The following FHIT variants were observed in gnomAD, a reference collection of about 807,000 sequenced individuals.
FHIT encodes bis(5'-adenosyl)-triphosphatase.
A neutral mutation model predicts 17.9 loss-of-function variants in FHIT; 19 were observed. That is an observed-to-expected ratio of 1.06 (90% confidence interval 0.74 to 1.56). FHIT has a LOEUF of 1.56. Ranked by LOEUF, FHIT falls within the 40% of genes most tolerant of loss-of-function variation. FHIT has a pLI of 0.00. For synonymous variants in FHIT, 81 were observed against 69.7 expected (o/e 1.16, Z -0.81); for missense variants, 248 against 189.2 (o/e 1.31, Z -1.82).
intron 8 of FHIT, among the ~76,000 whole-genome samples, chr3:59,804,910 C>T (rs1004497191): frequency 3.9e-5 from 6 of 152,186 alleles, no homozygotes; most frequent in African/African-American, 1.4e-4. Flanking sequence ...ACCACCCTTT[C>T]TCCCAGGTTG....
At chr3:60,580,096 G>C (rs1158903778) in intron 4 of FHIT, among the ~76,000 whole-genome samples, 3 of 152,094 alleles carry the variant, frequency 2.0e-5, no homozygotes, top group African/African-American at 7.2e-5. Flanking sequence ...CCCTTCCCAA[G>C]AGACAAAAAC....
intron 5 of FHIT, among the ~76,000 whole-genome samples, chr3:60,480,986 TC>T (rs1284502720): frequency 6.6e-6 from 1 of 152,174 alleles, no homozygotes; most frequent in East Asian, 1.9e-4. Flanking sequence ...ACCCCACATT[TC>T]CCCTTTGTAC....
chr3:60,492,863 T>C (rs976851651), intron 5 of FHIT, among the ~76,000 whole-genome samples: 2 of 152,182 alleles, frequency 1.3e-5, no homozygotes, highest in Admixed American at 6.5e-5. Flanking sequence ...AGTGCATTCA[T>C]GTGTCTTTAT....
At chr3:60,037,060 G>A (rs998628121) in intron 5 of FHIT, among the ~76,000 whole-genome samples, 2 of 152,196 alleles carry the variant, frequency 1.3e-5, no homozygotes, top group African/African-American at 4.8e-5. Flanking sequence ...GGGGAACATC[G>A]TAGACCAACG....
intron 5 of FHIT, among the ~76,000 whole-genome samples, chr3:60,108,830 A>C (rs1201997519): frequency 6.6e-6 from 1 of 151,818 alleles, no homozygotes; most frequent in Non-Finnish European, 1.5e-5. Context: ...AGCCCAGCTA[A>C]TTTTACATTT....
chr3:60,140,877 C>T (rs1307144410), intron 5 of FHIT, among the ~76,000 whole-genome samples: 2 of 151,974 alleles, frequency 1.3e-5, no homozygotes, highest in African/African-American at 4.8e-5. Flanking sequence ...TGCGCCCAGC[C>T]GGGAGAGACA....
At chr3:60,090,671 G>C (rs12493170) in intron 5 of FHIT, among the ~76,000 whole-genome samples, 3 of 152,020 alleles carry the variant, frequency 2.0e-5, no homozygotes, top group African/African-American at 7.2e-5. Context: ...TGACATGCTG[G>C]GGTCTTGAAT....
intron 3 of FHIT, among the ~76,000 whole-genome samples, chr3:61,005,194 A>G (rs2031362897): frequency 6.6e-6 from 1 of 152,244 alleles, no homozygotes; most frequent in Non-Finnish European, 1.5e-5. Context: ...GCTTATAATT[A>G]GGATCTCAGA....
chr3:59,954,221 G>GT (rs5849313), intron 7 of FHIT, among the ~76,000 whole-genome samples: 10,487 of 120,882 alleles, frequency 0.087, 777 homozygotes, highest in African/African-American at 0.17. Flanking sequence ...ATTTTGTTCT[G>GT]TTTTTTTTTC....
intron 3 of FHIT, among the ~76,000 whole-genome samples, chr3:61,012,666 A>G (rs1191665814): frequency 1.3e-5 from 2 of 151,594 alleles, no homozygotes; most frequent in Non-Finnish European, 1.5e-5. Flanking sequence ...TGAGGTTTCA[A>G]TAATTTTAAC....
intron 4 of FHIT, among the ~76,000 whole-genome samples, chr3:60,761,218 G>A (rs1699639352): frequency 6.6e-6 from 1 of 152,162 alleles, no homozygotes; most frequent in African/African-American, 2.4e-5. Flanking sequence ...GAGCTACATG[G>A]AAATTATACA....
intron 8 of FHIT, among the ~76,000 whole-genome samples, chr3:59,899,280 G>T (rs1704215887): frequency 6.6e-6 from 1 of 152,212 alleles, no homozygotes; most frequent in Non-Finnish European, 1.5e-5. Context: ...TTCACAAATG[G>T]AAAATGATCT....
intron 8 of FHIT, among the ~76,000 whole-genome samples, chr3:59,797,033 T>C (rs1002176221): frequency 6.6e-6 from 1 of 152,164 alleles, no homozygotes; most frequent in Admixed American, 6.5e-5. Flanking sequence ...TTAGAAAACT[T>C]CATAGGTTTC....
At chr3:60,844,807 AT>A (rs2106882372) in intron 3 of FHIT, among the ~76,000 whole-genome samples, 1 of 152,164 alleles carries the variant, frequency 6.6e-6, no homozygotes, top group African/African-American at 2.4e-5. Context: ...AATGTTTTTC[AT>A]TTTCTTGATT....
chr3:61,169,973 G>C (rs894093088), intron 2 of FHIT, among the ~76,000 whole-genome samples: 6 of 152,146 alleles, frequency 3.9e-5, no homozygotes, highest in African/African-American at 1.2e-4. Flanking sequence ...CATCAAGGGT[G>C]GGGTGAGAAA....
At position 60,123,451 on chromosome 3, in the gene FHIT, G is replaced by A. The variant is rs75603635; in HGVS notation, c.104-109299C>T. Among the ~76,000 whole-genome samples the A allele has an allele frequency of 3.4e-3, 522 of 152,266 alleles. 2 individuals are homozygous for A. Among genetic ancestry groups the A allele is most frequent in the African/African-American group, 0.012 (495 of 41,552 alleles). ...GAATTATCTTTCTATAAGAGACTGA[G>A]TAACCTCAATAAATACAAACTTAGG... is the stretch of plus-strand genomic sequence containing the variant. On this transcript the variant is annotated intron_variant, in intron 5 of 9. Coordinates refer to ENST00000492590, the MANE Select transcript of FHIT (RefSeq NM_002012.4).
intron 7 of FHIT, among the ~76,000 whole-genome samples, chr3:59,934,524 C>T (rs1480856244): frequency 1.3e-5 from 2 of 152,094 alleles, no homozygotes; most frequent in Non-Finnish European, 2.9e-5. Flanking sequence ...GACATAACAG[C>T]TTTAAATTCT....
intron 5 of FHIT, among the ~76,000 whole-genome samples, chr3:60,173,918 T>TATATATATATATATA (rs375142735): frequency 1.4e-3 from 67 of 46,758 alleles, no homozygotes; most frequent in East Asian, 4.4e-3. Flanking sequence ...TATATATATG[T>TATATATATATATATA]TTTTTTTTTT....
rs572461676 is a variant in FHIT, at chr3:60,896,678, T to C, written c.-110-74667A>G. ...CCTGGGCAGGTACCTTCCAACCAAA[T>C]TGAAGTCAAGGTACTGCATTCAAAA... On this transcript the variant is annotated intron_variant, in intron 3 of 9. Coordinates refer to ENST00000492590, the MANE Select transcript of FHIT (RefSeq NM_002012.4). Among the ~76,000 whole-genome samples the C allele has an allele frequency of 9.5e-4, 145 of 152,360 alleles. 2 individuals are homozygous for C. The South Asian group carries it at 0.027, about 28-fold the overall frequency.
Sources: allele counts gnomAD v4.1 joint callset (sites outside exome capture counted in the v4.1 genomes callset), GRCh38; gene constraint gnomAD v4.1.1; transcripts MANE v1.5; gene names NCBI Gene and HGNC (gene_info 2026-07-23, HGNC 2026-07-21).